CDIP1: variants seen among roughly 807,000 people sequenced by gnomAD.
CDIP1 encodes the protein cell death inducing p53 target 1.
Under a neutral mutation model 17.7 loss-of-function variants are expected in CDIP1, and 9 were observed. The observed-to-expected ratio is 0.51, with a 90% CI of 0.31 to 0.89. The LOEUF is 0.89. CDIP1 is among the 40% of genes least tolerant of loss of function. CDIP1 has a pLI of 0.05. For synonymous variants in CDIP1, 117 were observed against 109.5 expected, an observed-to-expected ratio of 1.07 and a Z score of -0.43; for missense variants, 263 against 277.9, an observed-to-expected ratio of 0.95 and a Z score of 0.38.
In CDIP1 at chr16:4,513,879, A is replaced by G; in HGVS notation, c.86-28T>C. On this transcript the variant is annotated intron_variant, in intron 3 of 5. Transcript: ENST00000567695. This position sits in a 1 kb window ranked among gnomAD's most constrained non-coding sequence, Gnocchi z 4.1. ...GGACAGAGAGAGGCAGAAAGAGGAG[A>G]CTGAGCTGGAGCCTCTGCACGATGA... 3 of 1,537,182 alleles carry G rather than the reference A, an allele frequency of 2.0e-6. No individual in the cohort carries two copies. The highest frequency in any genetic ancestry group is 2.6e-6 in the Non-Finnish European group (3 of 1,143,948).
chr16:4,533,116 G>A (rs1344014077), intron 1 of CDIP1: 1 of 152,264 alleles, frequency 6.6e-6, no homozygotes, highest in Non-Finnish European at 1.5e-5. Context: ...TGACACTTGA[G>A]AAGAACTTAT....
rs1307134429 is a variant in CDIP1, at chr16:4,512,749, C to T, written c.515+42G>A. The T allele has an allele frequency of 6.2e-7, 1 of 1,602,126 alleles. No homozygotes were observed. Among genetic ancestry groups the T allele is most frequent in the South Asian group, 1.1e-5 (1 of 90,058 alleles). On this transcript the variant is annotated intron_variant, in intron 5 of 5. Coordinates refer to ENST00000567695, the MANE Select transcript of CDIP1 (RefSeq NM_013399.3). The surrounding 1 kb of genome is among the most constrained non-coding windows in gnomAD (Gnocchi z 4.6). ...GGAGGAGGCAGAGGCAGCCAGTTGA[C>T]CCTGGTGCAGCCCCCACCCTACCAG...
In CDIP1 at chr16:4,521,619, C is replaced by T. The variant is rs745312740; in HGVS notation, c.-104-6955G>A. On this transcript the variant is annotated intron_variant, in intron 1 of 5. Coordinates refer to ENST00000567695, the MANE Select transcript of CDIP1 (RefSeq NM_013399.3). The stretch of plus-strand genomic sequence containing the variant: ...GGCTCAGGCCTGTAATTCCAGCACT[C>T]GGGGAGGCCGAGACGGGAGGATTAC... 4.7e-5 allele frequency among the ~76,000 whole-genome samples: 7 copies of T among 147,550 alleles called. 1 individual carries two copies. The highest frequency in any genetic ancestry group is 4.4e-4 in the South Asian group (2 of 4,502).
chr16:4,513,325 C>T lies in CDIP1; in HGVS notation c.242-261G>A, dbSNP rs934638042. Among the ~76,000 whole-genome samples, 10 of 152,110 alleles carry T rather than the reference C, an allele frequency of 6.6e-5. No individual in the cohort carries two copies. Among genetic ancestry groups the T allele is most frequent in the Admixed American group, 3.3e-4 (5 of 15,282 alleles). On this transcript the variant is annotated intron_variant, in intron 4 of 5. Transcript: ENST00000567695. The surrounding 1 kb of genome is among the most constrained non-coding windows in gnomAD (Gnocchi z 4.1). ...GTGGCAGAGAGCCAGGCACATGGCC[C>T]GGTCCCTCTGCTCCTCTGTCTGTCT...
intron 1 of CDIP1, chr16:4,533,648 T>A (rs982356047): frequency 6.6e-6 from 1 of 152,098 alleles, no homozygotes; most frequent in Non-Finnish European, 1.5e-5. Context: ...TTGGACCATA[T>A]CCCAGATCTA....
intron 1 of CDIP1, among the ~76,000 whole-genome samples, chr16:4,530,380 T>A (rs1386727170): frequency 6.6e-6 from 1 of 152,244 alleles, no homozygotes; most frequent in Non-Finnish European, 1.5e-5. Context: ...CTGGGTGCAG[T>A]GGCTCACGCC....
At chr16:4,534,801 C>G (rs1490293033) in intron 1 of CDIP1, among the ~76,000 whole-genome samples, 1 of 151,746 alleles carries the variant, frequency 6.6e-6, no homozygotes, top group Middle Eastern at 3.2e-3. Flanking sequence ...TCACTGCAAC[C>G]TCCACCTGCC....
rs767655457 is a variant in CDIP1 at position 4,514,090 on chromosome 16, G to C, written c.41C>G (p.Thr14Arg). 1.9e-6 allele frequency: 3 copies of C among 1,541,938 alleles called. No homozygotes were observed. In the South Asian group the frequency reaches 3.8e-5, roughly 19 times the overall value. Reference sequence around the variant, plus strand: ...ACTTTTCTCTTCCAGAAGTGGGGCTGTGGGGCCCCCAGGATAAGGAGGGGG... The same window carrying C: ...ACTTTTCTCTTCCAGAAGTGGGGCTCTGGGGCCCCCAGGATAAGGAGGGGG... ...EPPPPYPGGP[T>R]APLLEEKSGA... Residue 14 changes from threonine (T) to arginine (R), a missense_variant, in exon 3 of 6, where the codon ACA (threonine) becomes AGA (arginine). Thr to Arg is a moderately conservative substitution (Grantham distance 71). Coordinates refer to ENST00000567695, the MANE Select transcript of CDIP1 (RefSeq NM_013399.3). The surrounding 1 kb of genome is among the most constrained non-coding windows in gnomAD (Gnocchi z 5.2).
At chr16:4,524,513 G>A (rs2058980588) in intron 1 of CDIP1, among the ~76,000 whole-genome samples, 1 of 152,198 alleles carries the variant, frequency 6.6e-6, no homozygotes, top group South Asian at 2.1e-4. Context: ...GCTGTAAGCA[G>A]AAGTGTCCAG....
chr16:4,538,234 G>C (rs2059130700), intron 1 of CDIP1: 1 of 152,152 alleles, frequency 6.6e-6, no homozygotes, highest in Non-Finnish European at 1.5e-5. Flanking sequence ...CAGCGGCTTC[G>C]ACATCCCCAG....
chr16:4,530,382 G>A (rs929621500), intron 1 of CDIP1, among the ~76,000 whole-genome samples: 4 of 152,186 alleles, frequency 2.6e-5, no homozygotes, highest in Non-Finnish European at 5.9e-5. Flanking sequence ...GGGTGCAGTG[G>A]CTCACGCCTG....
intron 1 of CDIP1, chr16:4,533,060 A>G (rs891889657): frequency 6.6e-6 from 1 of 152,222 alleles, no homozygotes. Flanking sequence ...CACTCACCTC[A>G]TGGTCCCTGC....
intron 1 of CDIP1, among the ~76,000 whole-genome samples, chr16:4,520,674 T>A (rs557905143): frequency 6.6e-6 from 1 of 152,322 alleles, no homozygotes; most frequent in South Asian, 2.1e-4. Flanking sequence ...TTAAAGTCAC[T>A]AAATATTGTT....
At chr16:4,518,595 C>G (rs1373813705) in intron 1 of CDIP1, among the ~76,000 whole-genome samples, 1 of 152,226 alleles carries the variant, frequency 6.6e-6, no homozygotes, top group Non-Finnish European at 1.5e-5. Context: ...TCCTGAACCC[C>G]AGCAGAGACT....
At chr16:4,528,844 C>T (rs2059026930) in intron 1 of CDIP1, among the ~76,000 whole-genome samples, 1 of 151,962 alleles carries the variant, frequency 6.6e-6, no homozygotes, top group Admixed American at 6.6e-5. Flanking sequence ...CAAAAATTAG[C>T]CAGGCGTGGT....
At chr16:4,523,589 C>T (rs956434695) in intron 1 of CDIP1, among the ~76,000 whole-genome samples, 7 of 152,124 alleles carry the variant, frequency 4.6e-5, no homozygotes, top group African/African-American at 1.7e-4. Flanking sequence ...GTTAAATAAT[C>T]ACCCCCCTCG....
chr16:4,513,700 A>G lies in CDIP1; in HGVS notation c.237T>C (p.Pro79=). Reference sequence around the variant, plus strand: ...TCAGATCCCTTCCCCACTCACCCGGAGGCATGTAGGTGCCATCTGCACTCA... The same window carrying G: ...TCAGATCCCTTCCCCACTCACCCGGGGGCATGTAGGTGCCATCTGCACTCA... ...PHMSADGTYM[P]PGFYPPPGPH... Residue 79 remains proline (P), a synonymous_variant, in exon 4 of 6, where the codon CCT becomes CCC. Coordinates refer to ENST00000567695, the MANE Select transcript of CDIP1 (RefSeq NM_013399.3). The surrounding 1 kb of genome is among the most constrained non-coding windows in gnomAD (Gnocchi z 4.1). The G allele has an allele frequency of 6.2e-7, 1 of 1,613,090 alleles. No individual in the cohort carries two copies. The highest frequency in any genetic ancestry group is 8.5e-7 in the Non-Finnish European group (1 of 1,179,468).
chr16:4,534,909 G>T (rs557395813), intron 1 of CDIP1, among the ~76,000 whole-genome samples: 1 of 151,970 alleles, frequency 6.6e-6, no homozygotes, highest in East Asian at 1.9e-4. Flanking sequence ...GTAGAGACGG[G>T]GTTTCTCCAT....
chr16:4,529,280 G>A (rs959836851), intron 1 of CDIP1, among the ~76,000 whole-genome samples: 5 of 152,186 alleles, frequency 3.3e-5, no homozygotes, highest in African/African-American at 4.8e-5. Flanking sequence ...AGGAGACCCC[G>A]CCAGGAGACC....
Sources: gnomAD v4.1 joint callset for allele counts (sites outside exome capture counted in the v4.1 genomes callset) on GRCh38, gnomAD v4.1.1 for gene constraint, Gnocchi (gnomAD v3.1) non-coding constraint, MANE v1.5 for transcripts, NCBI Gene and HGNC (gene_info 2026-07-23, HGNC 2026-07-21) for gene names.